The following COL9A3 variants were observed in gnomAD, a reference collection of about 807,000 sequenced individuals.
COL9A3 encodes collagen type IX alpha 3 chain.
COL9A3 carries 82 observed loss-of-function variants against 110.2 expected under a neutral mutation model. The ratio of observed to expected loss-of-function variants is 0.74; its 90% confidence interval spans 0.62 to 0.89. COL9A3 has a LOEUF of 0.89. Ranked by LOEUF, COL9A3 falls within the 40% of genes least tolerant of loss-of-function variation. The pLI, the probability that COL9A3 is intolerant of heterozygous loss-of-function variation, is 0.00. For synonymous variants in COL9A3, 494 were observed against 403.8 expected (o/e 1.22, Z -2.68); for missense variants, 1,066 against 981.3 (o/e 1.09, Z -1.15).
intron 21 of COL9A3, 38 bp from the exon 22 acceptor site, chr20:62,829,728 C>A: frequency 6.3e-7 from 1 of 1,596,540 alleles, no homozygotes; most frequent in Admixed American, 1.8e-5. Flanking sequence ...AGCCTGTGTG[C>A]AGACCCTGCC....
chr20:62,827,271 T>C lies in COL9A3; in HGVS notation c.823T>C (p.Phe275Leu). 6.2e-7 allele frequency: 1 copy of C among 1,613,008 alleles called. No homozygotes were observed. Residue 275 changes from phenylalanine (F) to leucine (L), a missense_variant, in exon 16 of 32, where the codon TTC becomes CTC. By Grantham distance (22) the Phe-to-Leu change is conservative. Transcript: ENST00000649368. ...CCGAGGCGAGAGGGGCCCAGAAGGGTTCCGCGGCCCCAAGGGTGACCTCGT... is the reference window on the plus strand; with the variant it reads ...CCGAGGCGAGAGGGGCCCAGAAGGGCTCCGCGGCCCCAAGGGTGACCTCGT... ...GDRGERGPEG[F>L]RGPKGDLGRP...
intron 29 of COL9A3, 136 bp from the exon 30 acceptor site, chr20:62,836,947 G>C: frequency 1.7e-6 from 2 of 1,189,874 alleles, no homozygotes; most frequent in East Asian, 2.3e-5. Context: ...CCCCAAAGCA[G>C]TTAAACCATT....
chr20:62,821,815 G>C lies in COL9A3; in HGVS notation c.423+5G>C, dbSNP rs370125344. On this transcript the variant is annotated splice_donor_5th_base_variant and intron_variant, in intron 8 of 31. Transcript: ENST00000649368. ...ATCGGCCTCCGCGGCCCCCCGGTGA[G>C]TGGCTGTCCCAGAGCCCCTCAGAGT... 6.3e-7 allele frequency: 1 copy of C among 1,592,942 alleles called. No homozygotes were observed. Among genetic ancestry groups the C allele is most frequent in the African/African-American group, 1.3e-5 (1 of 74,604 alleles).
In COL9A3 at chr20:62,830,536, G is replaced by C; in HGVS notation, c.1235G>C (p.Gly412Ala). 1.2e-6 allele frequency: 2 copies of C among 1,608,650 alleles called. No homozygotes were observed. Among genetic ancestry groups the C allele is most frequent in the Non-Finnish European group, 1.7e-6 (2 of 1,178,538 alleles). Residue 412 changes from glycine (G) to alanine (A), a missense_variant, in exon 24 of 32, where the codon GGA becomes GCA. Coordinates refer to ENST00000649368, the MANE Select transcript of COL9A3 (RefSeq NM_001853.4). The part of the protein sequence containing the change: ...RGFQGQKGSM[G>A]DPGLPGPQGL... ...CCCCAGGGCCAGAAGGGCAGCATGG[G>C]AGACCCCGGCCTTCCAGGCCCCCAG...
chr20:62,839,863 T>G (rs1173515868), intron 31 of COL9A3, among the ~76,000 whole-genome samples: 1 of 151,700 alleles, frequency 6.6e-6, no homozygotes, highest in African/African-American at 2.4e-5. Context: ...CCTTCTCCCC[T>G]CCACGCACAC....
rs1262746120 is a variant in COL9A3 at position 62,817,121 on chromosome 20, T to A, written c.57T>A (p.Leu19=). ...PLLLLLLLGE[L]LAAAGAQRVG... is the part of the protein sequence containing the mutation. ...TGCTCCTGCTCCTGCTCGGGGAGCT[T>A]CTGGCGGCCGCCGGGGCGCAGGTGA... is the stretch of plus-strand genomic sequence containing the variant. Residue 19 remains leucine (L), a synonymous_variant, in exon 1 of 32, where the codon CTT becomes CTA. Transcript: ENST00000649368. 4 of 1,399,172 alleles carry A rather than the reference T, an allele frequency of 2.9e-6. No homozygotes were observed. Among genetic ancestry groups the A allele is most frequent in the Middle Eastern group, 5.2e-4 (2 of 3,840 alleles). The allele number at this position is 1,399,172 out of a possible 1,614,324, so 86.7% of individuals were successfully genotyped here.
At chr20:62,827,570 C>T (rs1173022580) in intron 16 of COL9A3, among the ~76,000 whole-genome samples, 1 of 152,166 alleles carries the variant, frequency 6.6e-6, no homozygotes, top group African/African-American at 2.4e-5. Flanking sequence ...TTGGATCCTG[C>T]CCCCAGAGAA....
At chr20:62,826,072 G>T (rs1337000902) in intron 13 of COL9A3, 132 bp from the exon 14 acceptor site, 2 of 1,145,494 alleles carry the variant, frequency 1.7e-6, no homozygotes, top group Non-Finnish European at 2.5e-6. Context: ...TCCCTCTGGG[G>T]GACCTGAGCT....
chr20:62,829,880 C>T, intron 22 of COL9A3, 61 bp downstream of exon 22: 1 of 1,526,374 alleles, frequency 6.6e-7, no homozygotes, highest in Non-Finnish European at 8.8e-7. Context: ...CACATGGCCC[C>T]AGTTTCTGAG....
chr20:62,820,030 C>T (rs1485584395), intron 5 of COL9A3, 48 bp downstream of exon 5: 1 of 1,590,434 alleles, frequency 6.3e-7, no homozygotes, highest in Non-Finnish European at 8.6e-7. Context: ...AGGTGAGGTC[C>T]CCTGGCCACC....
rs2063521301 is a variant in COL9A3 at position 62,822,686 on chromosome 20, G to C, written c.519+54G>C. 6 of 1,582,932 alleles carry C rather than the reference G, an allele frequency of 3.8e-6. No individual in the cohort carries two copies. In the Admixed American group the frequency reaches 8.3e-5, roughly 22 times the overall value. On this transcript the variant is annotated intron_variant, in intron 10 of 31. Coordinates refer to ENST00000649368, the MANE Select transcript of COL9A3 (RefSeq NM_001853.4). ...TGCTGGGGGGTGCCTACCTTGGGGG[G>C]AGGGGTTCTGGCCTGGAGAGGGGCT...
intron 6 of COL9A3, 68 bp downstream of exon 6, chr20:62,821,284 G>A (rs2063510260): frequency 8.5e-6 from 13 of 1,535,108 alleles, no homozygotes; most frequent in Non-Finnish European, 1.1e-5. Flanking sequence ...GGTCTAAATG[G>A]GGTGGCCTCC....
chr20:62,836,041 G>A (rs2063632204), intron 27 of COL9A3, 88 bp downstream of exon 27: 2 of 1,608,884 alleles, frequency 1.2e-6, no homozygotes, highest in South Asian at 2.2e-5. Context: ...CAGCCCTGCA[G>A]GGCACTGCCC....
At chr20:62,831,517 T>C (rs1387377816) in intron 24 of COL9A3, 1 of 161,416 alleles carries the variant, frequency 6.2e-6, no homozygotes, top group Non-Finnish European at 1.4e-5. Context: ...CCATGGGGGA[T>C]AGCGGGCTGT....
chr20:62,817,538 C>T, intron 1 of COL9A3, 29 bp from the exon 2 acceptor site: 2 of 1,496,576 alleles, frequency 1.3e-6, no homozygotes, highest in Non-Finnish European at 1.8e-6. Flanking sequence ...GGGGCACCTG[C>T]GCTCCTTAAT....
At chr20:62,817,036 C>G (rs1267809805), upstream of COL9A3, 7 of 1,218,592 alleles carry the variant, frequency 5.7e-6, no homozygotes, top group Middle Eastern at 3.2e-4. Flanking sequence ...CCGCCCGCCC[C>G]GACGCCGCAG....
chr20:62,836,934 T>C, intron 29 of COL9A3, 149 bp from the exon 30 acceptor site: 1 of 1,056,010 alleles, frequency 9.5e-7, no homozygotes, highest in Non-Finnish European at 1.5e-6. Context: ...CCAGCATTCA[T>C]CACCCCAAAG....
chr20:62,817,122 C>T lies in COL9A3; in HGVS notation c.58C>T (p.Leu20=). The change falls in exon 1 of 32, where the codon CTG becomes TTG. Residue 20 remains leucine, a synonymous_variant. Coordinates refer to ENST00000649368, the MANE Select transcript of COL9A3 (RefSeq NM_001853.4). ...LLLLLLLGEL[L]AAAGAQRVGL... ...GCTCCTGCTCCTGCTCGGGGAGCTT[C>T]TGGCGGCCGCCGGGGCGCAGGTGAG... 1 of 1,399,352 alleles carries T rather than the reference C, an allele frequency of 7.1e-7. No individual in the cohort carries two copies. Among genetic ancestry groups the T allele is most frequent in the South Asian group, 1.4e-5 (1 of 71,504 alleles). 86.7% of individuals were successfully genotyped at this position (1,399,352 alleles called of 1,614,324 possible). A position where few individuals can be genotyped will look rare whatever the true frequency, so the allele number is the denominator to read the frequency against.
At chr20:62,837,419 C>T (rs2063645599) in intron 30 of COL9A3, among the ~76,000 whole-genome samples, 154 bp downstream of exon 30, 1 of 152,254 alleles carries the variant, frequency 6.6e-6, no homozygotes, top group Non-Finnish European at 1.5e-5. Flanking sequence ...GCGCAGTTAA[C>T]TCCTTGGTAA....
Sources: allele counts gnomAD v4.1 joint callset (sites outside exome capture counted in the v4.1 genomes callset), GRCh38; gene constraint gnomAD v4.1.1; transcripts MANE v1.5; gene names NCBI Gene and HGNC (gene_info 2026-07-23, HGNC 2026-07-21).